EPB41L4A: variants seen among roughly 807,000 people sequenced by gnomAD.
EPB41L4A encodes the protein erythrocyte membrane protein band 4.1 like 4A, also known as band 4.1-like protein 4A.
Under a neutral mutation model 108.6 loss-of-function variants are expected in EPB41L4A, and 100 were observed. That is an observed-to-expected ratio of 0.92 (90% CI 0.78 to 1.09). The LOEUF is 1.09. Ranked by LOEUF, EPB41L4A falls within the 50% of genes least tolerant of loss-of-function variation. The pLI, the probability that EPB41L4A is intolerant of heterozygous loss-of-function variation, is 0.00. For missense variants in EPB41L4A, 1,030 were observed against 842.7 expected (o/e 1.22, Z -2.75); for synonymous variants, 319 against 289.0 (o/e 1.10, Z -1.05).
At chr5:112,298,219 G>A (rs1317144193) in intron 2 of EPB41L4A, among the ~76,000 whole-genome samples, 1 of 152,128 alleles carries the variant, frequency 6.6e-6, no homozygotes, top group Non-Finnish European at 1.5e-5. Flanking sequence ...GCTTCTGGCA[G>A]TATGGTCATT....
chr5:112,266,444 C>T (rs890211801), intron 4 of EPB41L4A, 114 bp from the exon 5 acceptor site: 2 of 670,520 alleles, frequency 3.0e-6, no homozygotes, highest in South Asian at 2.1e-5. Flanking sequence ...AATAAAGTCA[C>T]CCCCCATTCT....
intron 3 of EPB41L4A, 94 bp downstream of exon 3, chr5:112,280,178 T>G (rs150146071): frequency 3.8e-6 from 4 of 1,041,992 alleles, no homozygotes; most frequent in Non-Finnish European, 6.0e-6. Context: ...CACTTCTTTC[T>G]CCAGTACTAA....
At chr5:112,415,881 A>G (rs1371128515) in intron 1 of EPB41L4A, among the ~76,000 whole-genome samples, 1 of 152,218 alleles carries the variant, frequency 6.6e-6, no homozygotes, top group Non-Finnish European at 1.5e-5. Flanking sequence ...ACTTTCTGCT[A>G]TCAAGGTGAG....
In EPB41L4A at chr5:112,320,801, C is replaced by T. The variant is rs951869975; in HGVS notation, c.100-13311G>A. 3.3e-5 allele frequency among the ~76,000 whole-genome samples: 5 copies of T among 152,108 alleles called. No individual in the cohort carries two copies. The South Asian group carries it at 1.0e-3, about 31-fold the overall frequency. Reference sequence around the variant, plus strand: ...TCTTCCAGCAACCCAAAGCACATGGCAAAAATCAGCAGGAACATCCCTGCA... The same window carrying T: ...TCTTCCAGCAACCCAAAGCACATGGTAAAAATCAGCAGGAACATCCCTGCA... On this transcript the variant is annotated intron_variant, in intron 1 of 22. Coordinates refer to ENST00000261486, the MANE Select transcript of EPB41L4A (RefSeq NM_022140.5).
intron 1 of EPB41L4A, among the ~76,000 whole-genome samples, chr5:112,400,187 AG>A (rs998144933): frequency 1.3e-5 from 2 of 152,086 alleles, no homozygotes; most frequent in African/African-American, 2.4e-5. Context: ...GGAAAGAGAG[AG>A]GGGGGTGAAG....
intron 1 of EPB41L4A, among the ~76,000 whole-genome samples, chr5:112,402,397 AAAACAG>A (rs2112755859): frequency 1.3e-5 from 2 of 152,226 alleles, no homozygotes; most frequent in African/African-American, 4.8e-5. Flanking sequence ...TGGTAAAACC[AAAACAG>A]AGGAATGCCT....
In EPB41L4A at chr5:112,204,484, G is replaced by T; in HGVS notation, c.1267C>A (p.Leu423Ile). 6.2e-7 allele frequency: 1 copy of T among 1,608,036 alleles called. No homozygotes were observed. Residue 423 changes from leucine to isoleucine, a missense_variant, in exon 15 of 23, where the codon CTC becomes ATC. Transcript: ENST00000261486. ...GTGCGATCACTGGGAGAATTGTAGAGTCCACTGGAGAGAAAGAAAAATGGT... is the reference window on the plus strand; with the variant it reads ...GTGCGATCACTGGGAGAATTGTAGATTCCACTGGAGAGAAAGAAAAATGGT... ...PWEENGPQSG[L>I]YNSPSDRTKS... is the part of the protein sequence containing the mutation.
intron 1 of EPB41L4A, among the ~76,000 whole-genome samples, chr5:112,350,056 G>A (rs1757943430): frequency 6.6e-6 from 1 of 152,210 alleles, no homozygotes; most frequent in Admixed American, 6.5e-5. Context: ...TCTGTAATAT[G>A]CAGTCCAATA....
At chr5:112,209,316 AG>A (rs1762617526) in intron 13 of EPB41L4A, among the ~76,000 whole-genome samples, 1 of 152,256 alleles carries the variant, frequency 6.6e-6, no homozygotes, top group African/African-American at 2.4e-5. Context: ...GTGTCTTAAC[AG>A]AAAACAAGGC....
In EPB41L4A at chr5:112,223,634, C is replaced by T. The variant is rs139413517; in HGVS notation, c.1087+11000G>A. 9.4e-3 allele frequency among the ~76,000 whole-genome samples: 1,437 copies of T among 152,252 alleles called. 9 individuals carry two copies. Among genetic ancestry groups the T allele is most frequent in the Non-Finnish European group, 0.014 (984 of 68,012 alleles). On this transcript the variant is annotated intron_variant, in intron 12 of 22. Transcript: ENST00000261486. ...TTAGTAAAATCAAGAATTGCAACAA[C>T]AAACAACTGCCGAGGTAGAGCCAAT...
At chr5:112,149,880 T>A (rs1044966656) in intron 12 of EPB41L4A, among the ~76,000 whole-genome samples, 1 of 152,178 alleles carries the variant, frequency 6.6e-6, no homozygotes, top group African/African-American at 2.4e-5. Context: ...TGCTTAGGCT[T>A]CATAGGGCCA....
chr5:112,277,492 A>G lies in EPB41L4A; in HGVS notation c.257-2088T>C, dbSNP rs187602379. 1.1e-3 allele frequency among the ~76,000 whole-genome samples: 169 copies of G among 152,310 alleles called. 1 individual carries two copies. Among genetic ancestry groups the G allele is most frequent in the South Asian group, 7.9e-3 (38 of 4,824 alleles). On this transcript the variant is annotated intron_variant, in intron 3 of 22. Transcript: ENST00000261486. ...TAAGGCATTATTACCATTTGGTTAC[A>G]CTTCATAATGTACGAAAATGTTTCA... is the stretch of plus-strand genomic sequence containing the variant.
At chr5:112,415,881 A>C (rs1371128515) in intron 1 of EPB41L4A, among the ~76,000 whole-genome samples, 1 of 152,218 alleles carries the variant, frequency 6.6e-6, no homozygotes, top group Admixed American at 6.5e-5. Flanking sequence ...ACTTTCTGCT[A>C]TCAAGGTGAG....
intron 7 of EPB41L4A, among the ~76,000 whole-genome samples, chr5:112,261,727 G>A (rs1033023607): frequency 6.6e-6 from 1 of 152,148 alleles, no homozygotes; most frequent in African/African-American, 2.4e-5. Flanking sequence ...ACAGTAGGTG[G>A]TAACCTTCAT....
intron 4 of EPB41L4A, among the ~76,000 whole-genome samples, chr5:112,267,333 T>C (rs986355262): frequency 3.9e-5 from 6 of 152,216 alleles, no homozygotes; most frequent in African/African-American, 1.4e-4. Context: ...AATAATCAGC[T>C]ATATTAAATA....
chr5:112,253,042 C>T (rs975119202), intron 9 of EPB41L4A, among the ~76,000 whole-genome samples: 4 of 152,158 alleles, frequency 2.6e-5, no homozygotes, highest in Admixed American at 6.5e-5. Flanking sequence ...TAGTAGAAGA[C>T]GATCAGGCAA....
At chr5:112,249,915 T>C (rs956250981) in intron 9 of EPB41L4A, among the ~76,000 whole-genome samples, 2 of 152,178 alleles carry the variant, frequency 1.3e-5, no homozygotes, top group Admixed American at 1.3e-4. Context: ...TGTTCTAATT[T>C]ATTTGATCAA....
At chr5:112,241,465 TA>T in intron 9 of EPB41L4A, among the ~76,000 whole-genome samples, 2 of 152,210 alleles carry the variant, frequency 1.3e-5, no homozygotes, top group South Asian at 4.1e-4. Context: ...AAGTAAGAAA[TA>T]AAACAACATT....
intron 8 of EPB41L4A, 26 bp downstream of exon 8, chr5:112,259,865 C>A (rs771204889): frequency 1.3e-6 from 2 of 1,574,846 alleles, no homozygotes; most frequent in Non-Finnish European, 1.7e-6. Context: ...CATAGAATGC[C>A]AACTCTGTTC....
Sources: allele counts gnomAD v4.1 joint callset (sites outside exome capture counted in the v4.1 genomes callset), GRCh38; gene constraint gnomAD v4.1.1; transcripts MANE v1.5; gene names NCBI Gene and HGNC (gene_info 2026-07-23, HGNC 2026-07-21).